Variants in IMMP2L observed in about 807,000 individuals in gnomAD.
IMMP2L encodes the protein inner mitochondrial membrane peptidase subunit 2, also known as mitochondrial inner membrane protease subunit 2.
A neutral mutation model predicts 19.3 loss-of-function variants in IMMP2L; 18 were observed. That is an observed-to-expected ratio of 0.93 (90% CI 0.64 to 1.38). IMMP2L has a LOEUF of 1.38. Ranked by LOEUF, IMMP2L falls within the 40% of genes most tolerant of loss-of-function variation. IMMP2L has a pLI of 0.00. For synonymous variants in IMMP2L, 76 were observed against 73.0 expected (o/e 1.04, Z -0.21); for missense variants, 233 against 218.2 (o/e 1.07, Z -0.43).
chr7:111,414,788 A>C (rs1049737686), intron 3 of IMMP2L, among the ~76,000 whole-genome samples: 6 of 151,834 alleles, frequency 4.0e-5, no homozygotes, highest in African/African-American at 1.5e-4. Flanking sequence ...TCTCTACAAA[A>C]ATATAAAACT....
At chr7:110,968,586 T>C (rs750761791) in intron 3 of IMMP2L, among the ~76,000 whole-genome samples, 3 of 152,082 alleles carry the variant, frequency 2.0e-5, no homozygotes, top group Non-Finnish European at 4.4e-5. Flanking sequence ...GTTAGGTGGA[T>C]TGCTTGAGCC....
rs114012791 is a variant in IMMP2L at position 111,173,569 on chromosome 7, T to C, written c.240-210004A>G. Reference sequence around the variant, plus strand: ...GTTACAACCACAGTGGTTTGGAGGCTATACACTCGTTCTTTTTCTCAAGTT... The same window carrying C: ...GTTACAACCACAGTGGTTTGGAGGCCATACACTCGTTCTTTTTCTCAAGTT... On this transcript the variant is annotated intron_variant, in intron 3 of 5. Transcript: ENST00000405709. Among the ~76,000 whole-genome samples the C allele has an allele frequency of 5.4e-3, 825 of 151,792 alleles. 15 individuals carry two copies. Among genetic ancestry groups the C allele is most frequent in the African/African-American group, 0.019 (789 of 41,484 alleles).
At chr7:110,900,113 G>C (rs1367335832) in intron 4 of IMMP2L, among the ~76,000 whole-genome samples, 1 of 152,106 alleles carries the variant, frequency 6.6e-6, no homozygotes, top group Non-Finnish European at 1.5e-5. Context: ...TATCTCCACT[G>C]GGTTCATATG....
chr7:111,210,630 G>A (rs1811207222), intron 3 of IMMP2L, among the ~76,000 whole-genome samples: 1 of 151,054 alleles, frequency 6.6e-6, no homozygotes, highest in Admixed American at 6.6e-5. Context: ...TTACTACCTG[G>A]TTAATAGAAA....
rs887569914 is a variant in IMMP2L, at chr7:111,397,804, T to C, written c.239+89434A>G. Among the ~76,000 whole-genome samples the C allele has an allele frequency of 9.9e-5, 15 of 152,160 alleles. 1 individual carries two copies. Among genetic ancestry groups the C allele is most frequent in the African/African-American group, 3.6e-4 (15 of 41,450 alleles). On this transcript the variant is annotated intron_variant, in intron 3 of 5. Transcript: ENST00000405709. ...GATATGTTTGATGTTGCAAATACTT[T>C]TCCAGGTTCTCATTCACTTTATCAT... is the stretch of plus-strand genomic sequence containing the variant.
intron 3 of IMMP2L, among the ~76,000 whole-genome samples, chr7:111,064,125 C>G (rs980021981): frequency 5.3e-5 from 8 of 152,168 alleles, no homozygotes; most frequent in African/African-American, 1.9e-4. Context: ...CACAGCTCCA[C>G]GTGGCTGTGG....
At chr7:110,718,630 AAGT>A (rs1795375666) in intron 5 of IMMP2L, among the ~76,000 whole-genome samples, 3 of 152,184 alleles carry the variant, frequency 2.0e-5, no homozygotes, top group African/African-American at 7.2e-5. Flanking sequence ...GCAATCGTTT[AAGT>A]TGGTGGAGAT....
chr7:110,932,461 C>G (rs1304205870), intron 4 of IMMP2L, among the ~76,000 whole-genome samples: 3 of 152,106 alleles, frequency 2.0e-5, no homozygotes, highest in African/African-American at 7.2e-5. Context: ...TCGTGCCATT[C>G]TCCTGCCTCA....
chr7:110,911,705 T>C (rs1360084092), intron 4 of IMMP2L, among the ~76,000 whole-genome samples: 1 of 152,144 alleles, frequency 6.6e-6, no homozygotes, highest in African/African-American at 2.4e-5. Context: ...AATATACCTA[T>C]TCTCTGCTTC....
Position 110,728,361 on chromosome 7 carries a change from T to C in IMMP2L, c.409-64640A>G, listed in dbSNP as rs1038523717. On this transcript the variant is annotated intron_variant, in intron 5 of 5. Transcript: ENST00000405709. This position sits in a 1 kb window ranked among gnomAD's most constrained non-coding sequence, Gnocchi z 4.6. Reference sequence around the variant, plus strand: ...AAAATATATAAAAATTAGCTGGGCATAGTGGTGTGTGCCTGTAAACCCAGC... The same window carrying C: ...AAAATATATAAAAATTAGCTGGGCACAGTGGTGTGTGCCTGTAAACCCAGC... Among the ~76,000 whole-genome samples the C allele has an allele frequency of 1.3e-5, 2 of 151,948 alleles. No homozygotes were observed. The highest frequency in any genetic ancestry group is 2.4e-5 in the African/African-American group (1 of 41,404).
chr7:111,192,740 C>T (rs1742662563), intron 3 of IMMP2L, among the ~76,000 whole-genome samples: 1 of 151,904 alleles, frequency 6.6e-6, no homozygotes, highest in Non-Finnish European at 1.5e-5. Flanking sequence ...GGGATGATTG[C>T]CCAAGAGAGT....
chr7:110,686,424 G>A lies in IMMP2L; in HGVS notation c.409-22703C>T, dbSNP rs533345619. Among the ~76,000 whole-genome samples the A allele has an allele frequency of 1.3e-4, 19 of 151,822 alleles. No homozygotes were observed. The East Asian group carries it at 2.7e-3, about 22-fold the overall frequency. Reference sequence around the variant, plus strand: ...CACACTGCCAATAACCCTCAAATTCGTATTTCCAGTCCTATCCTTTCTCCT... The same window carrying A: ...CACACTGCCAATAACCCTCAAATTCATATTTCCAGTCCTATCCTTTCTCCT... On this transcript the variant is annotated intron_variant, in intron 5 of 5. Coordinates refer to ENST00000405709, the MANE Select transcript of IMMP2L (RefSeq NM_032549.4).
chr7:110,935,016 T>C (rs540235410), intron 4 of IMMP2L, among the ~76,000 whole-genome samples: 1 of 152,350 alleles, frequency 6.6e-6, no homozygotes, highest in East Asian at 1.9e-4. Context: ...AATATTTTTA[T>C]GTGTGAATTT....
intron 5 of IMMP2L, among the ~76,000 whole-genome samples, chr7:110,675,666 G>A (rs554265960): frequency 2.6e-5 from 4 of 152,224 alleles, no homozygotes; most frequent in African/African-American, 9.6e-5. Flanking sequence ...TCTTATCATA[G>A]TACTTACAGC....
intron 3 of IMMP2L, among the ~76,000 whole-genome samples, chr7:111,282,955 A>G (rs1475616397): frequency 1.3e-5 from 2 of 152,192 alleles, no homozygotes; most frequent in East Asian, 3.8e-4. Context: ...GGAGACTTGA[A>G]CAATACTATA....
chr7:111,421,738 G>T (rs1290395132), intron 3 of IMMP2L, among the ~76,000 whole-genome samples: 1 of 151,700 alleles, frequency 6.6e-6, no homozygotes, highest in Non-Finnish European at 1.5e-5. Context: ...GATCCCATTT[G>T]TCTATTTTGG....
chr7:111,064,213 T>A (rs964133973), intron 3 of IMMP2L, among the ~76,000 whole-genome samples: 6 of 152,172 alleles, frequency 3.9e-5, no homozygotes, highest in African/African-American at 1.4e-4. Flanking sequence ...CCATCAGATC[T>A]CATGGGATGC....
chr7:111,126,606 AG>A (rs1292635327), intron 3 of IMMP2L, among the ~76,000 whole-genome samples: 17 of 152,294 alleles, frequency 1.1e-4, no homozygotes, highest in Non-Finnish European at 2.1e-4. Context: ...TGAAGTGCCA[AG>A]TACATTAGTA....
intron 5 of IMMP2L, among the ~76,000 whole-genome samples, chr7:110,857,347 G>C (rs1464887604): frequency 1.3e-5 from 2 of 152,050 alleles, no homozygotes; most frequent in Admixed American, 1.3e-4. Context: ...CCAATTGTGT[G>C]ATCCTGTATA....
Sources: gnomAD v4.1 joint callset for allele counts (sites outside exome capture counted in the v4.1 genomes callset) on GRCh38, gnomAD v4.1.1 for gene constraint, Gnocchi (gnomAD v3.1) non-coding constraint, MANE v1.5 for transcripts, NCBI Gene and HGNC (gene_info 2026-07-23, HGNC 2026-07-21) for gene names.